STRN: variants seen among roughly 807,000 people sequenced by gnomAD.
STRN encodes protein phosphatase 2 regulatory subunit B'''alpha.
In STRN, 53 loss-of-function variants were observed where a neutral mutation model predicts 96.3. That is an observed-to-expected ratio of 0.55 (90% CI 0.44 to 0.69). The LOEUF (loss-of-function observed/expected upper bound fraction) is 0.69, where lower values mean the gene tolerates loss of function less well. Ranked by LOEUF, STRN falls within the 30% of genes least tolerant of loss-of-function variation. The probability of loss-of-function intolerance (pLI) is 0.00; values close to 1 mark genes in which losing one functional copy is unlikely to be tolerated. For missense variants in STRN, 987 were observed against 963.9 expected (o/e 1.02, Z -0.32); for synonymous variants, 428 against 355.9 (o/e 1.20, Z -2.28).
intron 10 of STRN, among the ~76,000 whole-genome samples, chr2:36,877,689 C>T (rs1668950101): frequency 6.6e-6 from 1 of 152,222 alleles, no homozygotes; most frequent in East Asian, 1.9e-4. Context: ...GCACCTGCCG[C>T]CATGCCTGGC....
chr2:36,902,139 G>A (rs1218132620), intron 5 of STRN, among the ~76,000 whole-genome samples: 1 of 152,044 alleles, frequency 6.6e-6, no homozygotes, highest in East Asian at 1.9e-4. Context: ...CTTCAAAATA[G>A]CTACTTAAAA....
intron 1 of STRN, among the ~76,000 whole-genome samples, chr2:36,930,405 A>C (rs370385512): frequency 6.6e-6 from 1 of 151,226 alleles, no homozygotes; most frequent in African/African-American, 2.4e-5. Context: ...GCACTCCAGA[A>C]TGGGCAACAG....
At chr2:36,958,644 A>C (rs1411993332) in intron 1 of STRN, among the ~76,000 whole-genome samples, 1 of 152,234 alleles carries the variant, frequency 6.6e-6, no homozygotes, top group Non-Finnish European at 1.5e-5. Context: ...AGAGATAAAA[A>C]GATGGAAAAT....
intron 7 of STRN, among the ~76,000 whole-genome samples, chr2:36,889,045 A>G (rs941959420): frequency 3.9e-5 from 6 of 151,922 alleles, no homozygotes; most frequent in Admixed American, 1.3e-4. Context: ...AGCTCTCTCT[A>G]TCTCCCTTAC....
At chr2:36,876,573 T>A (rs948048671) in intron 10 of STRN, among the ~76,000 whole-genome samples, 4 of 152,120 alleles carry the variant, frequency 2.6e-5, no homozygotes, top group African/African-American at 9.7e-5. Flanking sequence ...TAGGCATCCA[T>A]CCTACATCCC....
In STRN at chr2:36,845,327, T is replaced by C. The variant is rs927394499; in HGVS notation, c.*4129A>G. Reference sequence around the variant, plus strand: ...ACATCTTAATACAATATAACTTAAATGACAAAGCCTGAGAAAAGCACCAAC... The same window carrying C: ...ACATCTTAATACAATATAACTTAAACGACAAAGCCTGAGAAAAGCACCAAC... On this transcript the variant is annotated 3_prime_UTR_variant, in exon 18 of 18. Coordinates refer to ENST00000263918, the MANE Select transcript of STRN (RefSeq NM_003162.4). 3 of 152,090 alleles carry C rather than the reference T, an allele frequency of 2.0e-5. No individual in the cohort carries two copies. Among genetic ancestry groups the C allele is most frequent in the African/African-American group, 7.3e-5 (3 of 41,376 alleles). The allele number at this position is 152,090 out of a possible 1,614,324, so 9.4% of individuals were successfully genotyped here. A position where few individuals can be genotyped will look rare whatever the true frequency, so the allele number is the denominator to read the frequency against.
intron 2 of STRN, among the ~76,000 whole-genome samples, chr2:36,921,550 A>G (rs1485627288): frequency 6.6e-6 from 1 of 152,142 alleles, no homozygotes; most frequent in Admixed American, 6.6e-5. Flanking sequence ...AATTCATTTG[A>G]TACCTTCTAA....
Position 36,905,553 on chromosome 2 carries a change from G to A in STRN, c.478C>T (p.Gln160Ter), listed in dbSNP as rs1669798576. ...TGAGACACTTACTGTCTGAGTAGTT[G>A]TCGACCTTGTTTCCACATTAACTGG... is the stretch of plus-strand genomic sequence containing the variant. ...NSQLMWKQGR[Q>*]LLRQYLQEVG... Residue 160 changes from glutamine to a stop codon, truncating the protein, a stop_gained, in exon 4 of 18, where the codon CAA (glutamine) becomes TAA (stop). Transcript: ENST00000263918. LOFTEE classifies it high-confidence loss of function. 2 of 1,613,610 alleles carry A rather than the reference G, an allele frequency of 1.2e-6. No individual in the cohort carries two copies.
intron 1 of STRN, among the ~76,000 whole-genome samples, chr2:36,947,619 T>C (rs964760500): frequency 3.3e-5 from 5 of 149,952 alleles, no homozygotes; most frequent in Admixed American, 2.7e-4. Flanking sequence ...CAAAATTCAA[T>C]GTAGAACTGT....
In STRN at chr2:36,885,482, T is replaced by C. The variant is rs565342945; in HGVS notation, c.1042+1234A>G. Among the ~76,000 whole-genome samples the C allele has an allele frequency of 3.3e-5, 5 of 152,230 alleles. No individual in the cohort carries two copies. The South Asian group carries it at 8.3e-4, about 25-fold the overall frequency. On this transcript the variant is annotated intron_variant, in intron 8 of 17. Coordinates refer to ENST00000263918, the MANE Select transcript of STRN (RefSeq NM_003162.4). ...TTAAATTGTCTATCAGTAAGTATAT[T>C]TGGCGAAAAGGTATGAAATGTGCTT...
At chr2:36,858,877 G>T (rs934473497) in intron 13 of STRN, among the ~76,000 whole-genome samples, 2 of 152,200 alleles carry the variant, frequency 1.3e-5, no homozygotes, top group Admixed American at 6.5e-5. Flanking sequence ...TACAATAATT[G>T]TGACAGACAT....
At chr2:36,887,052 C>G (rs1194211773) in intron 7 of STRN, among the ~76,000 whole-genome samples, 420 of 7,992 alleles carry the variant, frequency 0.053, 7 homozygotes, top group Admixed American at 0.13. Context: ...GACACACACA[C>G]ACACACACAC....
At chr2:36,963,904 G>A (rs1456990978) in intron 1 of STRN, among the ~76,000 whole-genome samples, 2 of 150,608 alleles carry the variant, frequency 1.3e-5, no homozygotes, top group Non-Finnish European at 3.0e-5. Context: ...CAGAAGGATT[G>A]CTTAAACCTG....
intron 11 of STRN, 23 bp from the exon 12 acceptor site, chr2:36,867,884 T>C (rs1452757075): frequency 1.3e-6 from 2 of 1,569,742 alleles, no homozygotes; most frequent in Admixed American, 1.9e-5. Flanking sequence ...GAGATGACTT[T>C]ACCATTCTAA....
At chr2:36,867,719 C>A in intron 12 of STRN, 95 bp downstream of exon 12, 3 of 798,092 alleles carry the variant, frequency 3.8e-6, no homozygotes, top group Non-Finnish European at 3.7e-6. Context: ...CTCCTAAATA[C>A]AAAGAATACC....
At chr2:36,945,201 T>C (rs972856650) in intron 1 of STRN, among the ~76,000 whole-genome samples, 3 of 152,138 alleles carry the variant, frequency 2.0e-5, no homozygotes, top group African/African-American at 4.8e-5. Flanking sequence ...TTTATAAAGA[T>C]ACTTTTTTAA....
chr2:36,940,453 T>C (rs192463592), intron 1 of STRN, among the ~76,000 whole-genome samples: 8 of 152,256 alleles, frequency 5.3e-5, no homozygotes, highest in South Asian at 4.1e-4. Flanking sequence ...AAAATATTAA[T>C]AGTTGGTGAA....
At chr2:36,934,879 C>A (rs1411049921) in intron 1 of STRN, among the ~76,000 whole-genome samples, 3 of 152,150 alleles carry the variant, frequency 2.0e-5, no homozygotes, top group Admixed American at 1.3e-4. Context: ...GAGTTTGAGT[C>A]CAGCCATGGG....
Position 36,850,941 on chromosome 2 carries a change from T to C in STRN, c.2086+59A>G, listed in dbSNP as rs796069755. On this transcript the variant is annotated intron_variant, in intron 16 of 17. Coordinates refer to ENST00000263918, the MANE Select transcript of STRN (RefSeq NM_003162.4). ...CCAAGAGACACCAAAATTAGCCTAC[T>C]TGTGGTAGGGATTTTTTTTTTTTGC... is the stretch of plus-strand genomic sequence containing the variant. 1.5e-5 allele frequency: 21 copies of C among 1,362,568 alleles called. No individual in the cohort carries two copies. The African/African-American group carries it at 3.1e-4, about 20-fold the overall frequency. The allele number at this position is 1,362,568 out of a possible 1,614,324, so 84.4% of individuals were successfully genotyped here.
Sources: gnomAD v4.1 joint callset for allele counts (sites outside exome capture counted in the v4.1 genomes callset) on GRCh38, gnomAD v4.1.1 for gene constraint, MANE v1.5 for transcripts, NCBI Gene and HGNC (gene_info 2026-07-23, HGNC 2026-07-21) for gene names.